Variants in BPNT2 observed in about 807,000 individuals in gnomAD.
BPNT2 encodes 3'(2'), 5'-bisphosphate nucleotidase 2, also known as Golgi-resident adenosine 3',5'-bisphosphate 3'-phosphatase.
A neutral mutation model predicts 29.3 loss-of-function variants in BPNT2; 11 were observed. The observed-to-expected ratio is 0.38, with a 90% CI of 0.24 to 0.62. The LOEUF is 0.62. BPNT2 is among the 20% of genes least tolerant of loss of function. BPNT2 has a pLI of 0.62. For synonymous variants in BPNT2, 195 were observed against 187.7 expected (o/e 1.04, Z -0.32); for missense variants, 459 against 473.4 (o/e 0.97, Z 0.28).
intron 3 of BPNT2, among the ~76,000 whole-genome samples, 171 bp from the exon 4 acceptor site, chr8:56,966,523 A>G (rs913043219): frequency 3.0e-4 from 45 of 152,348 alleles, no homozygotes; most frequent in African/African-American, 1.1e-3. Flanking sequence ...CAAAAGTAGT[A>G]TATATGTATT....
Position 56,980,061 on chromosome 8 carries a change from G to A in BPNT2, c.524C>T (p.Pro175Leu). The change falls in exon 2 of 5, where the codon CCA becomes CTA. Residue 175 changes from proline (P) to leucine (L), a missense_variant. Transcript: ENST00000262644. ...PAESVTVWID[P>L]LDATQEYTED... Reference sequence around the variant, plus strand: ...TGTATATTCCTGTGTAGCATCAAGTGGGTCAATCCAGACAGTAACACTTTC... The same window carrying A: ...TGTATATTCCTGTGTAGCATCAAGTAGGTCAATCCAGACAGTAACACTTTC... The A allele has an allele frequency of 6.2e-7, 1 of 1,613,770 alleles. No individual in the cohort carries two copies. The highest frequency in any genetic ancestry group is 8.5e-7 in the Non-Finnish European group (1 of 1,179,840).
At chr8:56,967,358 T>C (rs1344806706) in intron 3 of BPNT2, 3 of 414,870 alleles carry the variant, frequency 7.2e-6, no homozygotes, top group East Asian at 7.1e-5. Flanking sequence ...GAAATACCCA[T>C]GCTCTGTACC....
chr8:56,963,659 T>C lies in BPNT2; in HGVS notation c.*134A>G. ...TTCTATTACAGGGAAAATAAGTCTC[T>C]GATGCTTCATAAATACTTTAAAAAG... is the stretch of plus-strand genomic sequence containing the variant. On this transcript the variant is annotated 3_prime_UTR_variant, in exon 5 of 5. Transcript: ENST00000262644. 1 of 958,264 alleles carries C rather than the reference T, an allele frequency of 1.0e-6. No homozygotes were observed. Among genetic ancestry groups the C allele is most frequent in the Non-Finnish European group, 1.6e-6 (1 of 614,976 alleles). 59.4% of individuals were successfully genotyped at this position (958,264 alleles called of 1,614,324 possible).
At chr8:56,977,471 G>A (rs1806160472) in intron 3 of BPNT2, among the ~76,000 whole-genome samples, 1 of 152,118 alleles carries the variant, frequency 6.6e-6, no homozygotes, top group South Asian at 2.1e-4. Context: ...ATTGGCTTAA[G>A]AACCTTCTCT....
intron 3 of BPNT2, among the ~76,000 whole-genome samples, chr8:56,970,005 A>G (rs1490581925): frequency 6.6e-6 from 1 of 152,232 alleles, no homozygotes; most frequent in African/African-American, 2.4e-5. Context: ...CAGTTAATAG[A>G]GAAAATTCTC....
In BPNT2 at chr8:56,959,259, CAA is replaced by C. The variant is rs1430910524; in HGVS notation, c.*4532_*4533del. ...ACTACTTACAAATCTCATTTTCCCA[CAA>C]AATTAATTCAACATCCAACCTTAAA... On this transcript the variant is annotated 3_prime_UTR_variant, in exon 5 of 5. Coordinates refer to ENST00000262644, the MANE Select transcript of BPNT2 (RefSeq NM_017813.5). The C allele has an allele frequency of 6.6e-6, 1 of 152,146 alleles. No homozygotes were observed. Among genetic ancestry groups the C allele is most frequent in the Non-Finnish European group, 1.5e-5 (1 of 68,036 alleles). 9.4% of individuals were successfully genotyped at this position (152,146 alleles called of 1,614,324 possible).
chr8:56,993,436 C>T lies in BPNT2; in HGVS notation c.150G>A (p.Ala50=), dbSNP rs1806453837. The T allele has an allele frequency of 3.4e-6, 5 of 1,478,696 alleles. No homozygotes were observed. The highest frequency in any genetic ancestry group is 4.5e-6 in the Non-Finnish European group (5 of 1,119,872). 91.6% of individuals were successfully genotyped at this position (1,478,696 alleles called of 1,614,324 possible). A position where few individuals can be genotyped will look rare whatever the true frequency, so the allele number is the denominator to read the frequency against. The stretch of plus-strand genomic sequence containing the variant: ...CCCCATCGGCCGCGGCCGCGGGCCC[C>T]GCCGCGCCGCCGCCAGGCTCGCCGC... ...GLGGEPGGGA[A]GPAAAADGGT... The change falls in exon 1 of 5, where the codon GCG becomes GCA. Residue 50 remains alanine (A), a synonymous_variant. Coordinates refer to ENST00000262644, the MANE Select transcript of BPNT2 (RefSeq NM_017813.5).
At chr8:56,973,301 A>G (rs1806068022) in intron 3 of BPNT2, among the ~76,000 whole-genome samples, 1 of 152,168 alleles carries the variant, frequency 6.6e-6, no homozygotes, top group Non-Finnish European at 1.5e-5. Flanking sequence ...GCAGGAGGTC[A>G]TAAGGACCTT....
intron 2 of BPNT2, among the ~76,000 whole-genome samples, chr8:56,979,286 TAAGA>T (rs969946485): frequency 2.6e-5 from 4 of 152,146 alleles, no homozygotes; most frequent in African/African-American, 9.7e-5. Flanking sequence ...ATTAGATGCT[TAAGA>T]AAGTCCCTGC....
At chr8:56,976,494 G>A (rs945632385) in intron 3 of BPNT2, among the ~76,000 whole-genome samples, 1 of 152,054 alleles carries the variant, frequency 6.6e-6, no homozygotes, top group Admixed American at 6.6e-5. Context: ...ACAGTATATT[G>A]TCATAGCAAT....
chr8:56,972,003 G>A (rs1806043550), intron 3 of BPNT2, among the ~76,000 whole-genome samples: 1 of 150,872 alleles, frequency 6.6e-6, no homozygotes, highest in African/African-American at 2.4e-5. Context: ...GCTGAGGCAG[G>A]AGAATGGCGT....
chr8:56,961,669 C>A lies in BPNT2; in HGVS notation c.*2124G>T, dbSNP rs1805837583. 1 of 152,080 alleles carries A rather than the reference C, an allele frequency of 6.6e-6. No homozygotes were observed. Among genetic ancestry groups the A allele is most frequent in the African/African-American group, 2.4e-5 (1 of 41,396 alleles). The allele number at this position is 152,080 out of a possible 1,614,324, so 9.4% of individuals were successfully genotyped here. Reference sequence around the variant, plus strand: ...CCTGACCAACATGGAGAAACCCTGTCTCTAACAAAAATACAAAAAAATTAG... The same window carrying A: ...CCTGACCAACATGGAGAAACCCTGTATCTAACAAAAATACAAAAAAATTAG... On this transcript the variant is annotated 3_prime_UTR_variant, in exon 5 of 5. Coordinates refer to ENST00000262644, the MANE Select transcript of BPNT2 (RefSeq NM_017813.5).
rs1336164839 is a variant in BPNT2, at chr8:56,963,570, A to C, written c.*223T>G. On this transcript the variant is annotated 3_prime_UTR_variant, in exon 5 of 5. Coordinates refer to ENST00000262644, the MANE Select transcript of BPNT2 (RefSeq NM_017813.5). ...CGCCTTGTGTATGACAACTGTATGA[A>C]AATAGTCTCAAAAATAAAGACAATA... 1.8e-6 allele frequency: 1 copy of C among 558,316 alleles called. No homozygotes were observed. The highest frequency in any genetic ancestry group is 3.2e-6 in the Non-Finnish European group (1 of 314,718). 34.6% of individuals were successfully genotyped at this position (558,316 alleles called of 1,614,324 possible). A position where few individuals can be genotyped will look rare whatever the true frequency, so the allele number is the denominator to read the frequency against.
chr8:56,976,016 A>T (rs545736427), intron 3 of BPNT2, among the ~76,000 whole-genome samples: 3 of 152,284 alleles, frequency 2.0e-5, no homozygotes, highest in African/African-American at 4.8e-5. Flanking sequence ...CCTACATTTT[A>T]GTTTGGATGG....
In BPNT2 at chr8:56,960,305, T is replaced by C. The variant is rs971048515; in HGVS notation, c.*3488A>G. The C allele has an allele frequency of 6.6e-6, 1 of 152,222 alleles. No individual in the cohort carries two copies. The highest frequency in any genetic ancestry group is 2.4e-5 in the African/African-American group (1 of 41,454). The allele number at this position is 152,222 out of a possible 1,614,324, so 9.4% of individuals were successfully genotyped here. A position where few individuals can be genotyped will look rare whatever the true frequency, so the allele number is the denominator to read the frequency against. On this transcript the variant is annotated 3_prime_UTR_variant, in exon 5 of 5. Coordinates refer to ENST00000262644, the MANE Select transcript of BPNT2 (RefSeq NM_017813.5). ...CAACATGAAACAAGGACAGATATCCTGATCCTGGGGTGACCAGGGTAGATG... is the reference window on the plus strand; with the variant it reads ...CAACATGAAACAAGGACAGATATCCCGATCCTGGGGTGACCAGGGTAGATG...
Position 56,963,939 on chromosome 8 carries a change from C to T in BPNT2, c.934G>A (p.Gly312Arg), listed in dbSNP as rs755310573. 5.0e-6 allele frequency: 8 copies of T among 1,613,888 alleles called. No individual in the cohort carries two copies. The Admixed American group carries it at 5.0e-5, about 10-fold the overall frequency. ...CCACTCAGGGTAGTCATATGCCCCC[C>T]TAGGGCTTTTAAGATGGCATTACCA... ...CAGNAILKAL[G>R]GHMTTLSGEE... The change falls in exon 5 of 5, where the codon GGG becomes AGG. Residue 312 changes from glycine (G) to arginine (R), a missense_variant. Coordinates refer to ENST00000262644, the MANE Select transcript of BPNT2 (RefSeq NM_017813.5).
chr8:56,973,551 G>A (rs1295187008), intron 3 of BPNT2, among the ~76,000 whole-genome samples: 1 of 152,140 alleles, frequency 6.6e-6, no homozygotes, highest in Non-Finnish European at 1.5e-5. Context: ...TCATGAGAGT[G>A]CAGATATTAT....
chr8:56,986,982 T>C (rs10808910), intron 1 of BPNT2, among the ~76,000 whole-genome samples: 31,710 of 152,120 alleles, frequency 0.21, 3,693 homozygotes, highest in East Asian at 0.45. Context: ...TACACACACA[T>C]ATACATATAC....
chr8:56,971,665 C>A (rs1806034215), intron 3 of BPNT2, among the ~76,000 whole-genome samples: 1 of 151,932 alleles, frequency 6.6e-6, no homozygotes, highest in Non-Finnish European at 1.5e-5. Context: ...CTTAAGCACA[C>A]AAGCACTTAC....
Sources: allele counts gnomAD v4.1 joint callset (sites outside exome capture counted in the v4.1 genomes callset), GRCh38; gene constraint gnomAD v4.1.1; transcripts MANE v1.5; gene names NCBI Gene and HGNC (gene_info 2026-07-23, HGNC 2026-07-21).